The following CDH13 variants were observed in gnomAD, a reference collection of about 807,000 sequenced individuals.
The protein encoded by CDH13 is cadherin-13.
CDH13 carries 24 observed loss-of-function variants against 63.8 expected under a neutral mutation model. The ratio of observed to expected loss-of-function variants is 0.38; its 90% confidence interval spans 0.27 to 0.53. CDH13 has a LOEUF of 0.53. Ranked by LOEUF, CDH13 falls within the 20% of genes least tolerant of loss-of-function variation. CDH13 has a pLI of 0.85. For missense variants in CDH13, 1,049 were observed against 903.1 expected, an observed-to-expected ratio of 1.16 and a Z score of -2.07; for synonymous variants, 503 against 355.3, an observed-to-expected ratio of 1.42 and a Z score of -4.67.
At chr16:83,252,150 A>ATATATATC (rs1905645216) in intron 5 of CDH13, among the ~76,000 whole-genome samples, 1 of 143,358 alleles carries the variant, frequency 7.0e-6, no homozygotes, top group African/African-American at 2.6e-5. Context: ...ATATATATAT[A>ATATATATC]TATCTTTAAG....
intron 5 of CDH13, among the ~76,000 whole-genome samples, chr16:83,340,490 G>C (rs2090697370): frequency 1.3e-5 from 2 of 152,144 alleles, no homozygotes; most frequent in African/African-American, 4.8e-5. Context: ...TCCTATAGCT[G>C]AACCTGGGAA....
chr16:83,215,073 C>CTTTTT lies in CDH13; in HGVS notation c.484-2255_484-2251dup, dbSNP rs571565652. 7.3e-3 allele frequency among the ~76,000 whole-genome samples: 410 copies of CTTTTT among 56,216 alleles called. 89 individuals are homozygous for CTTTTT. The highest frequency in any genetic ancestry group is 0.028 in the African/African-American group (385 of 13,888). 36.9% of individuals were successfully genotyped at this position (56,216 alleles called of 152,430 possible). A position where few individuals can be genotyped will look rare whatever the true frequency, so the allele number is the denominator to read the frequency against. On this transcript the variant is annotated intron_variant, in intron 4 of 13. Transcript: ENST00000567109. Reference sequence around the variant, plus strand: ...TTTCATCAGAGAGTATCAAACACCTCTTTTTTTTTTTTTTTTTTTTTGAGA... The same window carrying CTTTTT: ...TTTCATCAGAGAGTATCAAACACCTCTTTTTTTTTTTTTTTTTTTTTTTTTTGAGA...
chr16:83,178,886 A>C (rs1428754520), intron 4 of CDH13, among the ~76,000 whole-genome samples: 2 of 152,068 alleles, frequency 1.3e-5, no homozygotes, highest in Non-Finnish European at 2.9e-5. Flanking sequence ...CTCTCCCCTA[A>C]CTTATTAAAG....
chr16:83,440,882 C>T (rs894105308), intron 6 of CDH13, among the ~76,000 whole-genome samples: 1 of 151,832 alleles, frequency 6.6e-6, no homozygotes, highest in African/African-American at 2.4e-5. Context: ...GAGTGTTTGC[C>T]AAGCGAAGAA....
chr16:83,340,400 G>A (rs1316763173), intron 5 of CDH13, among the ~76,000 whole-genome samples: 1 of 152,092 alleles, frequency 6.6e-6, no homozygotes, highest in African/African-American at 2.4e-5. Context: ...CTTGGGAGTG[G>A]TGAATGAGTC....
In CDH13 at chr16:83,611,208, G is replaced by C. The variant is rs147952827; in HGVS notation, c.1101+8614G>C. On this transcript the variant is annotated intron_variant, in intron 8 of 13. Coordinates refer to ENST00000567109, the MANE Select transcript of CDH13 (RefSeq NM_001257.5). ...TGTGAGTCCTTTGAGTTATATACATGTTGCAATTTTTTTTTTACACTCTGG... is the reference window on the plus strand; with the variant it reads ...TGTGAGTCCTTTGAGTTATATACATCTTGCAATTTTTTTTTTACACTCTGG... Among the ~76,000 whole-genome samples, 358 of 152,012 alleles carry C rather than the reference G, an allele frequency of 2.4e-3. 2 individuals are homozygous for C. Among genetic ancestry groups the C allele is most frequent in the African/African-American group, 8.1e-3 (337 of 41,496 alleles).
At chr16:83,609,562 A>C (rs1908671006) in intron 8 of CDH13, among the ~76,000 whole-genome samples, 1 of 152,226 alleles carries the variant, frequency 6.6e-6, no homozygotes, top group Non-Finnish European at 1.5e-5. Flanking sequence ...TTTATTAAAC[A>C]ATCAAGAAGC....
At chr16:83,427,002 C>G (rs1328044482) in intron 6 of CDH13, among the ~76,000 whole-genome samples, 1 of 138,418 alleles carries the variant, frequency 7.2e-6, no homozygotes, top group Non-Finnish European at 1.5e-5. Context: ...TCTCGGCTCA[C>G]TGCAAGCTCC....
chr16:83,228,509 C>A (rs1028078896), intron 5 of CDH13, among the ~76,000 whole-genome samples: 1 of 152,144 alleles, frequency 6.6e-6, no homozygotes, highest in African/African-American at 2.4e-5. Context: ...TTGCAACAAT[C>A]GACTATATTA....
intron 3 of CDH13, among the ~76,000 whole-genome samples, chr16:83,122,031 C>G (rs1272472991): frequency 6.6e-6 from 1 of 151,926 alleles, no homozygotes; most frequent in Non-Finnish European, 1.5e-5. Flanking sequence ...TGGAATGAAA[C>G]TATCATTTAT....
intron 8 of CDH13, among the ~76,000 whole-genome samples, chr16:83,649,994 T>A (rs1912209021): frequency 1.3e-5 from 2 of 152,158 alleles, no homozygotes; most frequent in Admixed American, 1.3e-4. Flanking sequence ...CTGAACACGT[T>A]CTAATTGGAC....
chr16:83,194,815 GC>G (rs2038828242), intron 4 of CDH13, among the ~76,000 whole-genome samples: 1 of 152,178 alleles, frequency 6.6e-6, no homozygotes, highest in African/African-American at 2.4e-5. Context: ...TGACGGCCAG[GC>G]CTGGGTGGCT....
chr16:83,261,061 G>C (rs759988174), intron 5 of CDH13, among the ~76,000 whole-genome samples: 12 of 152,094 alleles, frequency 7.9e-5, no homozygotes, highest in South Asian at 4.2e-4. Context: ...TCAGGGAAAG[G>C]ATTTAAGAGG....
At chr16:83,263,646 T>C (rs1907246602) in intron 5 of CDH13, among the ~76,000 whole-genome samples, 1 of 152,204 alleles carries the variant, frequency 6.6e-6, no homozygotes, top group African/African-American at 2.4e-5. Context: ...TTAAAACCAT[T>C]ACCACTGCTT....
At chr16:83,403,514 T>C (rs2091999459) in intron 6 of CDH13, among the ~76,000 whole-genome samples, 1 of 151,846 alleles carries the variant, frequency 6.6e-6, no homozygotes. Flanking sequence ...TCCCAGCCAC[T>C]CAGGAGGCTG....
chr16:83,102,128 A>C (rs1214164103), intron 3 of CDH13, among the ~76,000 whole-genome samples: 2 of 152,212 alleles, frequency 1.3e-5, no homozygotes, highest in African/African-American at 4.8e-5. Flanking sequence ...TCCATGAGCC[A>C]AGGAATGCAG....
intron 7 of CDH13, among the ~76,000 whole-genome samples, chr16:83,488,166 C>G (rs1482519246): frequency 3.3e-5 from 5 of 152,182 alleles, no homozygotes; most frequent in African/African-American, 1.2e-4. Flanking sequence ...ATCTCAAGTG[C>G]TCAGCAGTCA....
In CDH13 at chr16:82,927,747, C is replaced by T. The variant is rs914989288; in HGVS notation, c.157+69274C>T. On this transcript the variant is annotated intron_variant, in intron 2 of 13. Coordinates refer to ENST00000567109, the MANE Select transcript of CDH13 (RefSeq NM_001257.5). ...AGTGATAACAGGTAAGGAACCATGC[C>T]TGTGTTACTCACCGCTCAGTCCTCA... Among the ~76,000 whole-genome samples the T allele has an allele frequency of 8.5e-5, 13 of 152,310 alleles. No homozygotes were observed. In the East Asian group the frequency reaches 1.2e-3, roughly 14 times the overall value.
intron 4 of CDH13, among the ~76,000 whole-genome samples, chr16:83,167,428 C>T (rs1269582606): frequency 1.4e-5 from 2 of 144,180 alleles, no homozygotes; most frequent in African/African-American, 2.6e-5. Context: ...ACCTGGGAAG[C>T]GGCAGAAGTT....
Sources: gnomAD v4.1 joint callset for allele counts (sites outside exome capture counted in the v4.1 genomes callset) on GRCh38, gnomAD v4.1.1 for gene constraint, MANE v1.5 for transcripts, NCBI Gene and HGNC (gene_info 2026-07-23, HGNC 2026-07-21) for gene names.